Variants in CDH2 observed in about 807,000 individuals in gnomAD.
CDH2 encodes the protein cadherin-2.
In CDH2, 17 loss-of-function variants were observed where a neutral mutation model predicts 92.0. The observed-to-expected ratio is 0.18, with a 90% CI of 0.13 to 0.28. CDH2 has a LOEUF of 0.28. Among genes scored for constraint, CDH2 ranks in the 10% least tolerant of loss-of-function variants. The pLI is 1.00. For missense variants in CDH2, 862 were observed against 1,133.1 expected (o/e 0.76, Z 3.44); for synonymous variants, 419 against 415.9 (o/e 1.01, Z -0.09).
intron 2 of CDH2, among the ~76,000 whole-genome samples, chr18:28,098,084 C>T (rs2015166241): frequency 6.6e-6 from 1 of 151,962 alleles, no homozygotes; most frequent in African/African-American, 2.4e-5. Context: ...GATGTTTATT[C>T]CAGAATTTTA....
chr18:27,961,729 T>C (rs1262649508), intron 15 of CDH2, among the ~76,000 whole-genome samples: 1 of 151,500 alleles, frequency 6.6e-6, no homozygotes, highest in Non-Finnish European at 1.5e-5. Context: ...CACAGAACAC[T>C]GGTACTTCAG....
At chr18:27,949,177 T>C (rs1393334616), downstream of CDH2, among the ~76,000 whole-genome samples, 1 of 151,992 alleles carries the variant, frequency 6.6e-6, no homozygotes, top group Non-Finnish European at 1.5e-5. Flanking sequence ...GTCTTACATT[T>C]TGTGGTTACT....
At chr18:28,090,206 T>C (rs1314303690) in intron 2 of CDH2, among the ~76,000 whole-genome samples, 1 of 152,216 alleles carries the variant, frequency 6.6e-6, no homozygotes, top group East Asian at 1.9e-4. Flanking sequence ...TTTGCATCTG[T>C]TGACTAAGAC....
intron 5 of CDH2, among the ~76,000 whole-genome samples, chr18:28,006,446 G>A (rs969242212): frequency 1.3e-5 from 2 of 152,050 alleles, no homozygotes; most frequent in Non-Finnish European, 2.9e-5. Flanking sequence ...GGCCAGGCAC[G>A]GTGGCTCACG....
intron 2 of CDH2, among the ~76,000 whole-genome samples, chr18:28,058,834 G>A (rs996078560): frequency 4.6e-5 from 7 of 152,158 alleles, no homozygotes; most frequent in South Asian, 2.1e-4. Flanking sequence ...GTCATGGAAC[G>A]CTAGATTGCT....
At chr18:28,138,741 T>C (rs1598501476) in intron 2 of CDH2, among the ~76,000 whole-genome samples, 1 of 152,190 alleles carries the variant, frequency 6.6e-6, no homozygotes, top group Non-Finnish European at 1.5e-5. Flanking sequence ...ACTTGTCAAA[T>C]GAAGAAATAA....
intron 2 of CDH2, among the ~76,000 whole-genome samples, chr18:28,024,067 TCTTA>T (rs71171657): frequency 0.17 from 25,611 of 152,088 alleles, 2,425 homozygotes; most frequent in South Asian, 0.29. Flanking sequence ...AAAGAAGGAT[TCTTA>T]CTTTTTGTGT....
chr18:28,079,820 C>T (rs2014792998), intron 2 of CDH2, among the ~76,000 whole-genome samples: 1 of 152,020 alleles, frequency 6.6e-6, no homozygotes, highest in East Asian at 1.9e-4. Context: ...TAAATTCCAC[C>T]CCCCCTCAGA....
At chr18:27,979,300 TA>T (rs778693937) in intron 14 of CDH2, among the ~76,000 whole-genome samples, 6 of 152,158 alleles carry the variant, frequency 3.9e-5, no homozygotes, top group Non-Finnish European at 8.8e-5. Context: ...CAATGTGGCC[TA>T]AATTTTAAAA....
At chr18:27,994,178 C>T (rs972344173) in intron 7 of CDH2, among the ~76,000 whole-genome samples, 6 of 152,074 alleles carry the variant, frequency 3.9e-5, no homozygotes, top group African/African-American at 1.4e-4. Flanking sequence ...GATTCAAAAC[C>T]ATATAGAAGA....
chr18:28,014,068 T>G (rs2013175948), intron 2 of CDH2, among the ~76,000 whole-genome samples, 159 bp from the exon 3 acceptor site: 1 of 152,174 alleles, frequency 6.6e-6, no homozygotes, highest in South Asian at 2.1e-4. Context: ...TCAAAAGCAT[T>G]TTCATACTAT....
At chr18:27,994,665 T>G (rs2012525163) in intron 7 of CDH2, among the ~76,000 whole-genome samples, 1 of 152,166 alleles carries the variant, frequency 6.6e-6, no homozygotes, top group Non-Finnish European at 1.5e-5. Context: ...CACTGCAAAG[T>G]GCAGTTTTCC....
intron 2 of CDH2, among the ~76,000 whole-genome samples, chr18:28,136,751 G>A (rs1489081575): frequency 6.6e-6 from 1 of 152,092 alleles, no homozygotes; most frequent in African/African-American, 2.4e-5. Context: ...GAACATAACT[G>A]AAGATAATCT....
chr18:27,985,281 A>G, intron 12 of CDH2, 48 bp from the exon 13 acceptor site: 1 of 1,068,890 alleles, frequency 9.4e-7, no homozygotes, highest in East Asian at 2.5e-5. Flanking sequence ...ACTTAAAGCG[A>G]TAAAAAAACA....
At chr18:28,157,574 C>T (rs191223030) in intron 1 of CDH2, among the ~76,000 whole-genome samples, 1 of 152,216 alleles carries the variant, frequency 6.6e-6, no homozygotes, top group East Asian at 1.9e-4. Context: ...ACCCTTAACC[C>T]AACCACTACA....
chr18:27,961,662 C>CTGTT (rs1035117302), intron 15 of CDH2, among the ~76,000 whole-genome samples: 2 of 152,250 alleles, frequency 1.3e-5, no homozygotes, highest in East Asian at 3.9e-4. Flanking sequence ...ATAAACCTTA[C>CTGTT]TGTTTGTTTG....
rs574687966 is a variant in CDH2 at position 28,143,213 on chromosome 18, G to C, written c.172+4460C>G. Among the ~76,000 whole-genome samples, 8 of 152,100 alleles carry C rather than the reference G, an allele frequency of 5.3e-5. No individual in the cohort carries two copies. The South Asian group carries it at 1.5e-3, about 28-fold the overall frequency. ...ACTTAGAGAAATATCTAAGCATGCA[G>C]ACCACCAATGCAAAACACACAGAAT... On this transcript the variant is annotated intron_variant, in intron 2 of 15. Coordinates refer to ENST00000269141, the MANE Select transcript of CDH2 (RefSeq NM_001792.5).
intron 1 of CDH2, among the ~76,000 whole-genome samples, chr18:28,155,963 A>C (rs558833967): frequency 6.6e-6 from 1 of 152,278 alleles, no homozygotes; most frequent in Non-Finnish European, 1.5e-5. Flanking sequence ...AACGTGCAGA[A>C]GTTTAACCCT....
At position 27,993,525 on chromosome 18, in the gene CDH2, T is replaced by C. The variant is rs199977445; in HGVS notation, c.1133A>G (p.Asn378Ser). Residue 378 changes from asparagine (N) to serine (S), a missense_variant, in exon 8 of 16, where the codon AAT (asparagine) becomes AGT (serine). By Grantham distance (46) the Asn-to-Ser change is conservative. Around this residue, in one of 5 missense-constraint regions of CDH2, gnomAD observed 564 missense variants for 722.2 expected, o/e 0.78. Coordinates refer to ENST00000269141, the MANE Select transcript of CDH2 (RefSeq NM_001792.5). ...CGTCATGGCAGTAAACTCTGGAGGATTGTCATTGACATCTGTCACTGTGAT... is the reference window on the plus strand; with the variant it reads ...CGTCATGGCAGTAAACTCTGGAGGACTGTCATTGACATCTGTCACTGTGAT... ...AVITVTDVND[N>S]PPEFTAMTFY... 34 of 1,614,000 alleles carry C rather than the reference T, an allele frequency of 2.1e-5. No individual in the cohort carries two copies. The highest frequency in any genetic ancestry group is 5.3e-5 in the African/African-American group (4 of 74,924).
Sources: gnomAD v4.1 joint callset for allele counts (sites outside exome capture counted in the v4.1 genomes callset) on GRCh38, gnomAD v4.1.1 for gene constraint, gnomAD v4.1.1 regional missense constraint, MANE v1.5 for transcripts, NCBI Gene and HGNC (gene_info 2026-07-23, HGNC 2026-07-21) for gene names.